The following CFAP298 variants were observed in gnomAD, a reference collection of about 807,000 sequenced individuals.
CFAP298 encodes cilia- and flagella-associated protein 298.
In CFAP298, 38 loss-of-function variants were observed where a neutral mutation model predicts 41.0. The observed-to-expected ratio is 0.93, with a 90% confidence interval of 0.72 to 1.22. The LOEUF (loss-of-function observed/expected upper bound fraction) is 1.22. Among genes scored for constraint, CFAP298 ranks in the 50% most tolerant of loss-of-function variants. The pLI is 0.00. For synonymous variants in CFAP298, 137 were observed against 135.3 expected, an observed-to-expected ratio of 1.01 and a Z score of -0.09; for missense variants, 348 against 360.3, an observed-to-expected ratio of 0.97 and a Z score of 0.28.
At chr21:32,602,689 G>T in intron 5 of CFAP298, 1 of 1,244,746 alleles carries the variant, frequency 8.0e-7, no homozygotes, top group Non-Finnish European at 1.0e-6. Flanking sequence ...AAGGTGGAGG[G>T]CCCCATTTCC....
rs2236430 is a variant in CFAP298 at position 32,601,098 on chromosome 21, G to A, written c.*765C>T. Among the ~76,000 whole-genome samples the A allele has an allele frequency of 0.28, 41,862 of 151,532 alleles. 6,520 individuals are homozygous for A. The highest frequency in any genetic ancestry group is 0.45 in the East Asian group (2,320 of 5,132). On this transcript the variant is annotated 3_prime_UTR_variant, in exon 7 of 7. Transcript: ENST00000290155. ...AAGGCTACAGTTAGACCCCGCAGCA[G>A]GGTTAGAGAAGTCTCTCCAGCAAGG...
At position 32,602,061 on chromosome 21, in the gene CFAP298, TC is replaced by T. The variant is rs552109196; in HGVS notation, c.763-89del. The T allele has an allele frequency of 1.6e-3, 1,461 of 921,812 alleles. 21 individuals are homozygous for T. The highest frequency in any genetic ancestry group is 9.8e-3 in the South Asian group (736 of 75,438). 57.1% of individuals were successfully genotyped at this position (921,812 alleles called of 1,614,324 possible). A position where few individuals can be genotyped will look rare whatever the true frequency, so the allele number is the denominator to read the frequency against. On this transcript the variant is annotated intron_variant, in intron 6 of 6. Transcript: ENST00000290155. ...CTGAAGAAAGAGTCCATGACTGACCTCCCCCTCTCCCTGCCCTCTAGGAGCA... is the reference window on the plus strand; with the variant it reads ...CTGAAGAAAGAGTCCATGACTGACCTCCCCTCTCCCTGCCCTCTAGGAGCA...
rs941227833 is a variant in CFAP298 at position 32,604,449 on chromosome 21, C to T, written c.376-166G>A. On this transcript the variant is annotated intron_variant, in intron 3 of 6. Coordinates refer to ENST00000290155, the MANE Select transcript of CFAP298 (RefSeq NM_021254.4). ...CATCTATTTCAGGGGCTGAGCGAAG[C>T]ACACCGTGGCCTGTATTATAAAGCA... The T allele has an allele frequency of 5.7e-6, 4 of 702,482 alleles. No homozygotes were observed. In the African/African-American group the frequency reaches 7.1e-5, roughly 12 times the overall value. The allele number at this position is 702,482 out of a possible 1,614,324, so 43.5% of individuals were successfully genotyped here. A position where few individuals can be genotyped will look rare whatever the true frequency, so the allele number is the denominator to read the frequency against.
In CFAP298 at chr21:32,604,110, T is replaced by A; in HGVS notation, c.534+15A>T. 1.2e-6 allele frequency: 2 copies of A among 1,610,250 alleles called. No individual in the cohort carries two copies. The highest frequency in any genetic ancestry group is 2.2e-5 in the South Asian group (2 of 90,984). On this transcript the variant is annotated intron_variant, in intron 4 of 6. Coordinates refer to ENST00000290155, the MANE Select transcript of CFAP298 (RefSeq NM_021254.4). ...GGAACTCAACCTCCAGAGTACCCACTCACAAACTACGTACCTGTGTTCCCG... is the reference window on the plus strand; with the variant it reads ...GGAACTCAACCTCCAGAGTACCCACACACAAACTACGTACCTGTGTTCCCG...
chr21:32,611,941 C>G (rs867305164), intron 1 of CFAP298, among the ~76,000 whole-genome samples, 164 bp downstream of exon 1: 3 of 152,186 alleles, frequency 2.0e-5, no homozygotes, highest in Non-Finnish European at 4.4e-5. Flanking sequence ...TCTCCGGTTC[C>G]TTATTCATCT....
chr21:32,607,802 AG>A (rs1183548452), intron 2 of CFAP298, 86 bp from the exon 3 acceptor site: 4 of 811,432 alleles, frequency 4.9e-6, no homozygotes, highest in Middle Eastern at 5.9e-4. Context: ...TGTCTGAGTC[AG>A]GGGGTAAATG....
At chr21:32,612,083 T>C in intron 1 of CFAP298, 22 bp downstream of exon 1, 2 of 1,542,202 alleles carry the variant, frequency 1.3e-6, no homozygotes, top group South Asian at 1.2e-5. Flanking sequence ...CTGTCCGGGA[T>C]GGGCCCACCC....
At chr21:32,605,790 C>T (rs1041146137) in intron 3 of CFAP298, among the ~76,000 whole-genome samples, 1 of 152,210 alleles carries the variant, frequency 6.6e-6, no homozygotes, top group Non-Finnish European at 1.5e-5. Context: ...CTGATGCTAA[C>T]TCCAGGCAGT....
chr21:32,601,643 C>T lies in CFAP298; in HGVS notation c.*220G>A, dbSNP rs1393409884. ...AGAAAACCATGACATACTAAATAGTCCTGAAACAAAAACGATTTACACATT... is the reference window on the plus strand; with the variant it reads ...AGAAAACCATGACATACTAAATAGTTCTGAAACAAAAACGATTTACACATT... On this transcript the variant is annotated 3_prime_UTR_variant, in exon 7 of 7. Coordinates refer to ENST00000290155, the MANE Select transcript of CFAP298 (RefSeq NM_021254.4). The T allele has an allele frequency of 2.1e-6, 1 of 470,984 alleles. No individual in the cohort carries two copies. Among genetic ancestry groups the T allele is most frequent in the Non-Finnish European group, 3.8e-6 (1 of 264,102 alleles). The allele number at this position is 470,984 out of a possible 1,614,324, so 29.2% of individuals were successfully genotyped here.
chr21:32,610,075 G>C, intron 1 of CFAP298, 70 bp from the exon 2 acceptor site: 1 of 1,385,962 alleles, frequency 7.2e-7, no homozygotes, highest in Non-Finnish European at 9.9e-7. Flanking sequence ...AAGCTCCAAA[G>C]AGTCAGGGGT....
chr21:32,606,235 C>T (rs749130634), intron 3 of CFAP298, among the ~76,000 whole-genome samples: 1 of 152,048 alleles, frequency 6.6e-6, no homozygotes, highest in Non-Finnish European at 1.5e-5. Context: ...TCAGATAGAA[C>T]CATCTCACAA....
Position 32,601,008 on chromosome 21 carries a change from G to C in CFAP298, c.*855C>G, listed in dbSNP as rs2038724452. ...CACCTTCAAGGCCAGGCAACGCCTGGCTACAGTTAGACCCCGCAGCAGGGT... is the reference window on the plus strand; with the variant it reads ...CACCTTCAAGGCCAGGCAACGCCTGCCTACAGTTAGACCCCGCAGCAGGGT... On this transcript the variant is annotated 3_prime_UTR_variant, in exon 7 of 7. Transcript: ENST00000290155. Among the ~76,000 whole-genome samples, 1 of 150,964 alleles carries C rather than the reference G, an allele frequency of 6.6e-6. No homozygotes were observed. The highest frequency in any genetic ancestry group is 1.5e-5 in the Non-Finnish European group (1 of 67,942).
rs1327252837 is a variant in CFAP298 at position 32,602,959 on chromosome 21, A to T, written c.666+202T>A. ...TCCTCTCCCCCACATATTAAAACAA[A>T]CTCTAGATATTGGTACTCAATCCAT... On this transcript the variant is annotated intron_variant, in intron 5 of 6. Coordinates refer to ENST00000290155, the MANE Select transcript of CFAP298 (RefSeq NM_021254.4). 18 of 1,036,518 alleles carry T rather than the reference A, an allele frequency of 1.7e-5. 1 individual carries two copies. The Middle Eastern group carries it at 9.1e-4, about 52-fold the overall frequency. The allele number at this position is 1,036,518 out of a possible 1,614,324, so 64.2% of individuals were successfully genotyped here.
chr21:32,602,701 C>T (rs1267254262), intron 5 of CFAP298: 1 of 1,241,124 alleles, frequency 8.1e-7, no homozygotes, highest in South Asian at 2.1e-5. Context: ...CCCATTTCCC[C>T]AAAATCACAG....
rs2038704711 is a variant in CFAP298 at position 32,599,681 on chromosome 21, G to T, written c.*2182C>A. Among the ~76,000 whole-genome samples the T allele has an allele frequency of 6.6e-6, 1 of 152,218 alleles. No homozygotes were observed. The highest frequency in any genetic ancestry group is 1.5e-5 in the Non-Finnish European group (1 of 68,042). On this transcript the variant is annotated 3_prime_UTR_variant, in exon 7 of 7. Transcript: ENST00000290155. The stretch of plus-strand genomic sequence containing the variant: ...CACCACTAGCTACCTGTGACCTTGG[G>T]TGAGTCAGCAAGTGGATGCAAAGGG...
chr21:32,606,984 T>C lies in CFAP298; in HGVS notation c.375+665A>G, dbSNP rs149911706. 1.4e-4 allele frequency among the ~76,000 whole-genome samples: 21 copies of C among 152,350 alleles called. No homozygotes were observed. The East Asian group carries it at 3.9e-3, about 28-fold the overall frequency. Reference sequence around the variant, plus strand: ...ATACATATTAAGTCAATCAAGTGTCTGGAGAGCTACTCGATGGCCACAATA... The same window carrying C: ...ATACATATTAAGTCAATCAAGTGTCCGGAGAGCTACTCGATGGCCACAATA... On this transcript the variant is annotated intron_variant, in intron 3 of 6. Coordinates refer to ENST00000290155, the MANE Select transcript of CFAP298 (RefSeq NM_021254.4).
chr21:32,604,057 C>T, intron 4 of CFAP298, 68 bp downstream of exon 4: 4 of 1,448,406 alleles, frequency 2.8e-6, no homozygotes, highest in Non-Finnish European at 3.9e-6. Context: ...AGAAGAGGGG[C>T]ATCAAATCTT....
chr21:32,607,552 CATTGCACT>C (rs2038892799), intron 3 of CFAP298, 89 bp downstream of exon 3: 2 of 698,648 alleles, frequency 2.9e-6, no homozygotes, highest in Non-Finnish European at 4.9e-6. Flanking sequence ...GAGATCGCAC[CATTGCACT>C]CCAGCCTGGG....
intron 5 of CFAP298, 200 bp downstream of exon 5, chr21:32,602,959 ACT>A: frequency 9.6e-7 from 1 of 1,036,636 alleles, no homozygotes; most frequent in South Asian, 1.7e-5. Context: ...ATTAAAACAA[ACT>A]CTAGATATTG....
Sources: gnomAD v4.1 joint callset for allele counts (sites outside exome capture counted in the v4.1 genomes callset) on GRCh38, gnomAD v4.1.1 for gene constraint, MANE v1.5 for transcripts, NCBI Gene and HGNC (gene_info 2026-07-23, HGNC 2026-07-21) for gene names.